DNAI7: variants seen among roughly 807,000 people sequenced by gnomAD.
DNAI7 encodes cancer susceptibility 1.
DNAI7 carries 78 observed loss-of-function variants against 86.6 expected under a neutral mutation model. The observed-to-expected ratio is 0.90, with a 90% CI of 0.75 to 1.09. The LOEUF is 1.09. Ranked by LOEUF, DNAI7 falls within the 50% of genes least tolerant of loss-of-function variation. The pLI is 0.00. For synonymous variants in DNAI7, 274 were observed against 273.0 expected (o/e 1.00, Z -0.04); for missense variants, 753 against 810.2 (o/e 0.93, Z 0.86).
chr12:25,165,599 C>G (rs1223144574), intron 2 of DNAI7, among the ~76,000 whole-genome samples: 1 of 152,250 alleles, frequency 6.6e-6, no homozygotes, highest in Non-Finnish European at 1.5e-5. Flanking sequence ...CTTCCCAGAT[C>G]TTCTCAGCTT....
chr12:25,123,118 C>G (rs2140481985), intron 10 of DNAI7, 93 bp downstream of exon 10: 1 of 778,684 alleles, frequency 1.3e-6, no homozygotes, highest in Non-Finnish European at 2.0e-6. Context: ...TATATTTTTG[C>G]AATGTCTGAA....
intron 2 of DNAI7, among the ~76,000 whole-genome samples, chr12:25,171,293 T>A (rs569595300): frequency 2.0e-5 from 3 of 152,098 alleles, no homozygotes; most frequent in Non-Finnish European, 2.9e-5. Flanking sequence ...ATGGGAGATA[T>A]TACAACTGAC....
At position 25,151,636 on chromosome 12, in the gene DNAI7, TCATGC is replaced by T. The variant is rs571445098; in HGVS notation, c.439-1867_439-1863del. Among the ~76,000 whole-genome samples the T allele has an allele frequency of 3.5e-3, 532 of 152,322 alleles. 2 individuals carry two copies. The highest frequency in any genetic ancestry group is 0.012 in the African/African-American group (479 of 41,564). On this transcript the variant is annotated intron_variant, in intron 6 of 15. Transcript: ENST00000395987. Reference sequence around the variant, plus strand: ...AAAGTACCAGATTCCTAAGCTGACGTCATGCCATGGCAGCCTCTCTGGTAGACAGG... The same window carrying T: ...AAAGTACCAGATTCCTAAGCTGACGTCATGGCAGCCTCTCTGGTAGACAGG...
chr12:25,119,621 C>T (rs1030991920), intron 11 of DNAI7, among the ~76,000 whole-genome samples: 1 of 152,082 alleles, frequency 6.6e-6, no homozygotes, highest in Admixed American at 6.5e-5. Context: ...AGTAATTTGA[C>T]AAAGATTACA....
chr12:25,125,893 T>C (rs1173131365), intron 9 of DNAI7, among the ~76,000 whole-genome samples: 1 of 152,174 alleles, frequency 6.6e-6, no homozygotes, highest in African/African-American at 2.4e-5. Flanking sequence ...TTTGTTTTTG[T>C]CAGCTTTGTT....
At chr12:25,193,552 A>C (rs1277295719) in intron 1 of DNAI7, among the ~76,000 whole-genome samples, 1 of 152,198 alleles carries the variant, frequency 6.6e-6, no homozygotes, top group Non-Finnish European at 1.5e-5. Flanking sequence ...TACTTGGCAG[A>C]CTTAGGAAAC....
At chr12:25,107,869 G>T (rs768086623), downstream of DNAI7, 2 of 1,614,070 alleles carry the variant, frequency 1.2e-6, no homozygotes, top group Non-Finnish European at 1.7e-6. Context: ...CATCAGAAAG[G>T]CTAATAAGGC....
rs1350836783 is a variant in DNAI7, at chr12:25,138,883, A to AAAC, written c.1002+5481_1002+5482insGTT. On this transcript the variant is annotated intron_variant, in intron 9 of 15. Coordinates refer to ENST00000395987, the MANE Select transcript of DNAI7 (RefSeq NM_018272.5). Reference sequence around the variant, plus strand: ...GAGCAGAACTAAATGAAATTGAAACAAAAAAAAAAATACAAAAGATAAATG... The same window carrying AAAC: ...GAGCAGAACTAAATGAAATTGAAACAAACAAAAAAAAAATACAAAAGATAAATG... Among the ~76,000 whole-genome samples, 17 of 41,476 alleles carry AAAC rather than the reference A, an allele frequency of 4.1e-4. No individual in the cohort carries two copies. The East Asian group carries it at 0.11, about 261-fold the overall frequency. The allele number at this position is 41,476 out of a possible 152,430, so 27.2% of individuals were successfully genotyped here.
At chr12:25,107,975 C>CACAGCA, downstream of DNAI7, 3 of 1,614,204 alleles carry the variant, frequency 1.9e-6, no homozygotes, top group Non-Finnish European at 2.5e-6. Flanking sequence ...GCCGCTCCCA[C>CACAGCA]ACAGCAAGAG....
intron 9 of DNAI7, among the ~76,000 whole-genome samples, chr12:25,127,000 C>T (rs965489749): frequency 6.6e-6 from 1 of 152,186 alleles, no homozygotes; most frequent in Non-Finnish European, 1.5e-5. Context: ...TTATCAGTTT[C>T]TATAGTACCA....
At chr12:25,110,788 T>C (rs2140332116) in intron 14 of DNAI7, among the ~76,000 whole-genome samples, 1 of 152,334 alleles carries the variant, frequency 6.6e-6, no homozygotes, top group South Asian at 2.1e-4. Context: ...TTTCACCTTT[T>C]TAACATACTA....
intron 2 of DNAI7, among the ~76,000 whole-genome samples, chr12:25,185,283 T>C (rs2141330606): frequency 6.6e-6 from 1 of 152,376 alleles, no homozygotes; most frequent in East Asian, 1.9e-4. Flanking sequence ...AGCTTTGATC[T>C]ATCTGTATAC....
At chr12:25,168,676 A>G (rs1180320106) in intron 2 of DNAI7, among the ~76,000 whole-genome samples, 1 of 152,202 alleles carries the variant, frequency 6.6e-6, no homozygotes, top group East Asian at 1.9e-4. Context: ...AGTGTATGAC[A>G]ACATAAAAAA....
intron 1 of DNAI7, among the ~76,000 whole-genome samples, chr12:25,191,394 C>T (rs1444851416): frequency 6.6e-6 from 1 of 151,852 alleles, no homozygotes; most frequent in Non-Finnish European, 1.5e-5. Context: ...ACCGCATTTC[C>T]AAAAAATGAA....
intron 3 of DNAI7, 118 bp downstream of exon 3, chr12:25,160,995 A>G (rs1260617640): frequency 8.4e-6 from 6 of 713,276 alleles, no homozygotes; most frequent in Admixed American, 2.3e-5. Context: ...TACCTATTAT[A>G]AAACAGATTA....
At chr12:25,135,853 C>T (rs759509833) in intron 9 of DNAI7, among the ~76,000 whole-genome samples, 9 of 151,990 alleles carry the variant, frequency 5.9e-5, no homozygotes, top group African/African-American at 1.5e-4. Context: ...CAGCAACCCC[C>T]GCCCAAGGAG....
intron 4 of DNAI7, among the ~76,000 whole-genome samples, chr12:25,158,059 C>G (rs547554739): frequency 6.6e-6 from 1 of 152,038 alleles, no homozygotes; most frequent in Non-Finnish European, 1.5e-5. Flanking sequence ...GAAACCCTAT[C>G]TCTACTAAAA....
At chr12:25,141,013 A>C (rs1944126837) in intron 9 of DNAI7, among the ~76,000 whole-genome samples, 1 of 152,252 alleles carries the variant, frequency 6.6e-6, no homozygotes, top group Non-Finnish European at 1.5e-5. Flanking sequence ...AGCCATGTAT[A>C]GAAGAATGAA....
chr12:25,159,434 G>GAA (rs1003730164), intron 3 of DNAI7, among the ~76,000 whole-genome samples: 1 of 122,344 alleles, frequency 8.2e-6, no homozygotes, highest in Non-Finnish European at 1.8e-5. Context: ...CAAAAAAAAA[G>GAA]AAAAAAAAAA....
Sources: allele counts gnomAD v4.1 joint callset (sites outside exome capture counted in the v4.1 genomes callset), GRCh38; gene constraint gnomAD v4.1.1; transcripts MANE v1.5; gene names NCBI Gene and HGNC (gene_info 2026-07-23, HGNC 2026-07-21).